Variants in THAP6 observed in about 807,000 individuals in gnomAD.
THAP6 encodes THAP domain-containing protein 6.
In THAP6, 13 loss-of-function variants were observed where a neutral mutation model predicts 20.0. That is an observed-to-expected ratio of 0.65 (90% confidence interval 0.42 to 1.03). THAP6 has a LOEUF of 1.03. THAP6 is among the 50% of genes least tolerant of loss of function. THAP6 has a pLI of 0.00. For synonymous variants in THAP6, 93 were observed against 92.2 expected (o/e 1.01, Z -0.05); for missense variants, 262 against 261.6 (o/e 1.00, Z -0.01).
At chr4:75,519,350 T>C (rs1038911062) in intron 3 of THAP6, among the ~76,000 whole-genome samples, 2 of 152,004 alleles carry the variant, frequency 1.3e-5, no homozygotes, top group African/African-American at 4.8e-5. Flanking sequence ...AATTATGCTT[T>C]AAGTTTTAGG....
chr4:75,531,858 G>A (rs11727806), downstream of THAP6, among the ~76,000 whole-genome samples: 31,064 of 149,306 alleles, frequency 0.21, 3,289 homozygotes, highest in Middle Eastern at 0.33. Context: ...GGAAAGACCC[G>A]CCCTCATGAT....
intron 2 of THAP6, among the ~76,000 whole-genome samples, chr4:75,540,640 T>G (rs535665169): frequency 6.6e-5 from 10 of 152,322 alleles, no homozygotes; most frequent in African/African-American, 2.2e-4. Flanking sequence ...AAGAGTGAAG[T>G]GTATGTGCTA....
At chr4:75,523,818 A>AG (rs1316372875) in intron 4 of THAP6, among the ~76,000 whole-genome samples, 1 of 150,938 alleles carries the variant, frequency 6.6e-6, no homozygotes, top group African/African-American at 2.4e-5. Context: ...AAAAAAAAAA[A>AG]AAAGAAAAGA....
intron 3 of THAP6, among the ~76,000 whole-genome samples, chr4:75,521,394 T>G (rs912076335): frequency 2.0e-5 from 3 of 152,208 alleles, no homozygotes; most frequent in Admixed American, 6.5e-5. Flanking sequence ...GAATGCCACC[T>G]TTATCCTAAA....
chr4:75,513,971 A>T, upstream of THAP6: 2 of 549,382 alleles, frequency 3.6e-6, no homozygotes, highest in South Asian at 6.2e-5. Context: ...AAGCCTAATC[A>T]CTTCCCAAGA....
intron 3 of THAP6, chr4:75,542,614 G>C (rs1727035458): frequency 1.7e-6 from 1 of 576,280 alleles, no homozygotes; most frequent in South Asian, 2.3e-5. Context: ...GAAAAGCTAG[G>C]TAATTTGCCC....
intron 3 of THAP6, among the ~76,000 whole-genome samples, chr4:75,546,414 G>A (rs1727128138): frequency 6.6e-6 from 1 of 152,198 alleles, no homozygotes; most frequent in South Asian, 2.1e-4. Flanking sequence ...TCCAGTCAAG[G>A]AGCACTGTCC....
rs753911640 is a variant in THAP6, at chr4:75,516,964, TC to T, written c.275del (p.Pro92HisfsTer53). 1 of 1,610,918 alleles carries T rather than the reference TC, an allele frequency of 6.2e-7. No individual in the cohort carries two copies. The highest frequency in any genetic ancestry group is 8.5e-7 in the Non-Finnish European group (1 of 1,177,952). On this transcript the variant is annotated frameshift_variant, in exon 3 of 5. Transcript: ENST00000311638. LOFTEE classifies it high-confidence loss of function. ...PGVIPSIFDS[P>X]YHLQGKREKL... Reference sequence around the variant, plus strand: ...GAGTCATACCTTCTATCTTTGATTCTCCATATCACCTACAGGTTTGTTTATG... The same window carrying T: ...GAGTCATACCTTCTATCTTTGATTCTCATATCACCTACAGGTTTGTTTATG...
Position 75,529,504 on chromosome 4 carries a change from A to T in THAP6, c.*2290A>T, listed in dbSNP as rs1726587810. ...GAGCTGCCCATTTTCTCTTTGTTCT[A>T]ATAGGGAAGCAATTACTGATAGAAA... On this transcript the variant is annotated 3_prime_UTR_variant, in exon 5 of 5. Transcript: ENST00000311638. 1 of 985,400 alleles carries T rather than the reference A, an allele frequency of 1.0e-6. No homozygotes were observed. Among genetic ancestry groups the T allele is most frequent in the African/African-American group, 1.7e-5 (1 of 57,352 alleles). 61.0% of individuals were successfully genotyped at this position (985,400 alleles called of 1,614,324 possible). A position where few individuals can be genotyped will look rare whatever the true frequency, so the allele number is the denominator to read the frequency against.
At chr4:75,519,452 A>G (rs1725873291) in intron 3 of THAP6, among the ~76,000 whole-genome samples, 1 of 151,116 alleles carries the variant, frequency 6.6e-6, no homozygotes, top group Non-Finnish European at 1.5e-5. Flanking sequence ...AGCATTAGGT[A>G]TATCTCCCAA....
intron 4 of THAP6, among the ~76,000 whole-genome samples, chr4:75,526,391 G>C (rs1367141565): frequency 2.0e-5 from 3 of 152,034 alleles, no homozygotes; most frequent in Non-Finnish European, 4.4e-5. Flanking sequence ...CTATGTCAGT[G>C]TTATTTTCCC....
intron 2 of THAP6, among the ~76,000 whole-genome samples, chr4:75,536,495 G>T (rs1726858478): frequency 6.6e-6 from 1 of 152,016 alleles, no homozygotes; most frequent in Non-Finnish European, 1.5e-5. Context: ...ATCATATGCT[G>T]GATACAGACA....
chr4:75,531,458 T>C (rs1726677441), downstream of THAP6, among the ~76,000 whole-genome samples: 1 of 152,248 alleles, frequency 6.6e-6, no homozygotes, highest in Non-Finnish European at 1.5e-5. Flanking sequence ...GCTATAATCA[T>C]AGCCTTGAGT....
chr4:75,539,913 A>G lies in THAP6; in HGVS notation c.166-2496A>G, dbSNP rs756674252. On this transcript the variant is annotated intron_variant, in intron 2 of 4. Coordinates refer to the THAP6 transcript ENST00000502620. ...AGAAGAACAAAAACCAAGAAGAGAG[A>G]AATGCATTTCATAGGGAATGGCAAG... 37 of 1,535,996 alleles carry G rather than the reference A, an allele frequency of 2.4e-5. No homozygotes were observed. In the South Asian group the frequency reaches 4.4e-4, roughly 18 times the overall value.
chr4:75,541,563 T>G (rs1443418415), intron 2 of THAP6, among the ~76,000 whole-genome samples: 1 of 148,014 alleles, frequency 6.8e-6, no homozygotes, highest in African/African-American at 2.5e-5. Context: ...AGACAGAGAG[T>G]GCACATGAAA....
chr4:75,516,748 A>G, intron 2 of THAP6, 24 bp from the exon 3 acceptor site: 1 of 1,595,350 alleles, frequency 6.3e-7, no homozygotes, highest in African/African-American at 1.4e-5. Flanking sequence ...TGATTTTAAA[A>G]TATTTTTTGT....
chr4:75,533,786 A>G (rs1282367598), downstream of THAP6, among the ~76,000 whole-genome samples: 1 of 151,900 alleles, frequency 6.6e-6, no homozygotes, highest in Admixed American at 6.6e-5. Context: ...TTATACTTTA[A>G]GTTCTAGGGT....
At position 75,528,101 on chromosome 4, in the gene THAP6, A is replaced by C. The variant is rs578052213; in HGVS notation, c.*887A>C. 28 of 984,852 alleles carry C rather than the reference A, an allele frequency of 2.8e-5. No homozygotes were observed. The highest frequency in any genetic ancestry group is 3.4e-5 in the Non-Finnish European group (28 of 829,382). The allele number at this position is 984,852 out of a possible 1,614,324, so 61.0% of individuals were successfully genotyped here. A position where few individuals can be genotyped will look rare whatever the true frequency, so the allele number is the denominator to read the frequency against. The stretch of plus-strand genomic sequence containing the variant: ...AAAAATACAAAATACAAAAGAAACC[A>C]TTAGAAATTAATAACTGTGGCTCTT... On this transcript the variant is annotated 3_prime_UTR_variant, in exon 5 of 5. Coordinates refer to ENST00000311638, the MANE Select transcript of THAP6 (RefSeq NM_144721.6).
At chr4:75,513,970 C>G (rs982870926), upstream of THAP6, 3 of 546,574 alleles carry the variant, frequency 5.5e-6, no homozygotes, top group Non-Finnish European at 9.2e-6. Context: ...CAAGCCTAAT[C>G]ACTTCCCAAG....
Sources: allele counts gnomAD v4.1 joint callset (sites outside exome capture counted in the v4.1 genomes callset), GRCh38; gene constraint gnomAD v4.1.1; transcripts MANE v1.5; gene names NCBI Gene and HGNC (gene_info 2026-07-23, HGNC 2026-07-21).